Variants in SYT1 observed in about 807,000 individuals in gnomAD.
SYT1 encodes synaptotagmin-1.
Under a neutral mutation model 44.8 loss-of-function variants are expected in SYT1, and 8 were observed. That is an observed-to-expected ratio of 0.18 (90% CI 0.10 to 0.32). SYT1 has a LOEUF of 0.32. SYT1 is among the 10% of genes least tolerant of loss of function. The pLI is 1.00. For missense variants in SYT1, 286 were observed against 509.3 expected, an observed-to-expected ratio of 0.56 and a Z score of 4.22; for synonymous variants, 154 against 188.8, an observed-to-expected ratio of 0.82 and a Z score of 1.51.
At chr12:79,099,227 A>G (rs1187675387) in intron 3 of SYT1, among the ~76,000 whole-genome samples, 1 of 152,000 alleles carries the variant, frequency 6.6e-6, no homozygotes, top group Non-Finnish European at 1.5e-5. Flanking sequence ...GTCACTAAAT[A>G]CTCCCTACAA....
intron 4 of SYT1, among the ~76,000 whole-genome samples, chr12:79,273,999 G>A (rs952406168): frequency 5.9e-5 from 9 of 152,164 alleles, no homozygotes; most frequent in African/African-American, 1.2e-4. Context: ...CAGGAGGATC[G>A]CTTGAACCCA....
intron 8 of SYT1, among the ~76,000 whole-genome samples, chr12:79,332,594 T>C (rs1454679237): frequency 1.3e-5 from 2 of 152,208 alleles, no homozygotes; most frequent in Non-Finnish European, 1.5e-5. Context: ...TAAAAGTCAG[T>C]AACTCCGAAA....
chr12:79,091,900 A>C (rs1436774762), intron 3 of SYT1, among the ~76,000 whole-genome samples: 5 of 151,982 alleles, frequency 3.3e-5, no homozygotes, highest in African/African-American at 4.8e-5. Context: ...TTTGCCTAAT[A>C]ATTTACAGAA....
At chr12:79,056,584 C>T (rs915487143) in intron 3 of SYT1, among the ~76,000 whole-genome samples, 1 of 152,020 alleles carries the variant, frequency 6.6e-6, no homozygotes, top group Non-Finnish European at 1.5e-5. Flanking sequence ...GGGACCACTT[C>T]CTCCAGAGAA....
At chr12:79,143,492 G>A (rs1209963456) in intron 3 of SYT1, among the ~76,000 whole-genome samples, 1 of 152,194 alleles carries the variant, frequency 6.6e-6, no homozygotes. Flanking sequence ...GGAACTTTGA[G>A]TCACAGCAGT....
chr12:79,449,397 G>T lies in SYT1; in HGVS notation c.*273G>T. 1 of 383,754 alleles carries T rather than the reference G, an allele frequency of 2.6e-6. No homozygotes were observed. The highest frequency in any genetic ancestry group is 4.7e-6 in the Non-Finnish European group (1 of 211,174). 23.8% of individuals were successfully genotyped at this position (383,754 alleles called of 1,614,324 possible). A position where few individuals can be genotyped will look rare whatever the true frequency, so the allele number is the denominator to read the frequency against. On this transcript the variant is annotated 3_prime_UTR_variant, in exon 11 of 11. Transcript: ENST00000261205. ...AAATTATTTATTGTATCACACTGTT[G>T]TATATACCAGTATGCTAAAGATTTA...
chr12:79,020,416 C>G (rs1872113134), intron 2 of SYT1, among the ~76,000 whole-genome samples: 1 of 151,858 alleles, frequency 6.6e-6, no homozygotes, highest in South Asian at 2.1e-4. Flanking sequence ...TAAAAGCTCA[C>G]ACTGGTTCTC....
At chr12:79,028,270 C>A (rs1872645242) in intron 2 of SYT1, among the ~76,000 whole-genome samples, 1 of 151,352 alleles carries the variant, frequency 6.6e-6, no homozygotes. Context: ...TTCTTCACTT[C>A]AATACAAATC....
At chr12:79,259,348 G>T (rs187739896) in intron 4 of SYT1, among the ~76,000 whole-genome samples, 100 of 152,240 alleles carry the variant, frequency 6.6e-4, no homozygotes, top group African/African-American at 2.3e-3. Flanking sequence ...ACATTAAATT[G>T]TATTTCCTCT....
intron 4 of SYT1, among the ~76,000 whole-genome samples, chr12:79,222,234 T>G (rs1875205991): frequency 1.3e-5 from 2 of 152,124 alleles, no homozygotes; most frequent in Admixed American, 6.5e-5. Context: ...CTTTTTTGTC[T>G]TTGATCCTTG....
At chr12:79,180,619 T>C (rs1872475550) in intron 3 of SYT1, among the ~76,000 whole-genome samples, 1 of 151,842 alleles carries the variant, frequency 6.6e-6, no homozygotes, top group South Asian at 2.1e-4. Flanking sequence ...GGAGCAGGCG[T>C]CTCACATGGC....
chr12:79,224,506 G>A (rs1398559293), intron 4 of SYT1, among the ~76,000 whole-genome samples: 2 of 151,956 alleles, frequency 1.3e-5, no homozygotes, highest in African/African-American at 4.8e-5. Flanking sequence ...TAGAACCAAG[G>A]CCCTTAGGTA....
At chr12:79,448,099 A>C (rs1236851315) in intron 10 of SYT1, among the ~76,000 whole-genome samples, 1 of 152,218 alleles carries the variant, frequency 6.6e-6, no homozygotes, top group East Asian at 1.9e-4. Flanking sequence ...TATATATTTT[A>C]TACCATAATG....
chr12:79,334,463 G>A (rs934722914), intron 8 of SYT1, among the ~76,000 whole-genome samples: 5 of 152,116 alleles, frequency 3.3e-5, no homozygotes, highest in African/African-American at 9.7e-5. Context: ...AACGAGAATG[G>A]TCAGGGAAAG....
In SYT1 at chr12:79,361,247, G is replaced by C. The variant is rs114667169; in HGVS notation, c.928+7628G>C. Among the ~76,000 whole-genome samples the C allele has an allele frequency of 1.6e-3, 240 of 152,228 alleles. 1 individual carries two copies. The highest frequency in any genetic ancestry group is 5.6e-3 in the African/African-American group (233 of 41,540). On this transcript the variant is annotated intron_variant, in intron 9 of 10. Coordinates refer to ENST00000261205, the MANE Select transcript of SYT1 (RefSeq NM_005639.3). ...GATTTAATCCCCAGTACAACCCTAT[G>C]AGGTAGATACTATTTTTAATGTGAT... is the stretch of plus-strand genomic sequence containing the variant.
chr12:79,422,342 T>C (rs1869170160), intron 9 of SYT1, among the ~76,000 whole-genome samples: 1 of 152,042 alleles, frequency 6.6e-6, no homozygotes, highest in South Asian at 2.1e-4. Flanking sequence ...TGTTCCTTTC[T>C]TTTAAGGTTG....
rs150767860 is a variant in SYT1 at position 78,905,308 on chromosome 12, C to T, written c.-217+40199C>T. Reference sequence around the variant, plus strand: ...GAACTGACTTACCTACACACTTCCACATAACATACAATGGGTTTTGCCATT... The same window carrying T: ...GAACTGACTTACCTACACACTTCCATATAACATACAATGGGTTTTGCCATT... On this transcript the variant is annotated intron_variant, in intron 1 of 10. Coordinates refer to ENST00000261205, the MANE Select transcript of SYT1 (RefSeq NM_005639.3). Among the ~76,000 whole-genome samples the T allele has an allele frequency of 6.5e-4, 99 of 152,258 alleles. 1 individual carries two copies. Among genetic ancestry groups the T allele is most frequent in the African/African-American group, 2.2e-3 (92 of 41,556 alleles).
intron 1 of SYT1, among the ~76,000 whole-genome samples, chr12:78,910,092 A>G (rs1437457182): frequency 1.4e-4 from 21 of 151,888 alleles, no homozygotes. Context: ...TCATATCTAG[A>G]AATAAATTAG....
At chr12:79,120,960 T>TAG (rs1565815261) in intron 3 of SYT1, among the ~76,000 whole-genome samples, 12 of 147,154 alleles carry the variant, frequency 8.2e-5, no homozygotes, top group African/African-American at 3.0e-4. Flanking sequence ...TATAGATATA[T>TAG]ATACACACAC....
Sources: allele counts gnomAD v4.1 joint callset (sites outside exome capture counted in the v4.1 genomes callset), GRCh38; gene constraint gnomAD v4.1.1; transcripts MANE v1.5; gene names NCBI Gene and HGNC (gene_info 2026-07-23, HGNC 2026-07-21).